NAV2: variants seen among roughly 807,000 people sequenced by gnomAD.
NAV2 encodes the protein neuron navigator 2.
NAV2 carries 54 observed loss-of-function variants against 223.2 expected under a neutral mutation model. The observed-to-expected ratio is 0.24, with a 90% CI of 0.19 to 0.30. The LOEUF (loss-of-function observed/expected upper bound fraction) is 0.30, where lower values mean the gene tolerates loss of function less well. Ranked by LOEUF, NAV2 falls within the 10% of genes least tolerant of loss-of-function variation. The pLI is 1.00. For missense variants in NAV2, 2,806 were observed against 3,147.5 expected (o/e 0.89, Z 2.60); for synonymous variants, 1,279 against 1,239.3 (o/e 1.03, Z -0.67).
chr11:19,506,085 C>T (rs934378009), intron 1 of NAV2: 3 of 152,248 alleles, frequency 2.0e-5, no homozygotes, highest in African/African-American at 7.2e-5. Flanking sequence ...ATGTATGTGT[C>T]CTGCTCCCTC....
At chr11:19,649,889 A>T (rs899299842) in intron 1 of NAV2, among the ~76,000 whole-genome samples, 11 of 152,216 alleles carry the variant, frequency 7.2e-5, no homozygotes, top group African/African-American at 2.7e-4. Context: ...ATAGTGAGAT[A>T]CTTCCACACT....
intron 1 of NAV2, among the ~76,000 whole-genome samples, chr11:19,458,725 A>G (rs1384680613): frequency 3.3e-5 from 5 of 152,244 alleles, no homozygotes; most frequent in Non-Finnish European, 5.9e-5. Context: ...GCTTTTAACC[A>G]GTTCTCTACA....
chr11:19,869,955 G>C (rs983650037), intron 4 of NAV2, among the ~76,000 whole-genome samples: 2 of 152,172 alleles, frequency 1.3e-5, no homozygotes, highest in Admixed American at 1.3e-4. Flanking sequence ...TGGTTTTCCT[G>C]GCTGCGTTTC....
At chr11:19,413,046 G>A (rs1393800388) in intron 1 of NAV2, among the ~76,000 whole-genome samples, 2 of 152,150 alleles carry the variant, frequency 1.3e-5, no homozygotes, top group Non-Finnish European at 2.9e-5. Flanking sequence ...CTCCTCACCA[G>A]CAAGGGAACA....
upstream of NAV2, among the ~76,000 whole-genome samples, chr11:19,349,440 C>T (rs1853173111): frequency 6.6e-6 from 1 of 152,146 alleles, no homozygotes; most frequent in Non-Finnish European, 1.5e-5. Context: ...GGGATGGCTT[C>T]GGCCTTATTC....
chr11:20,082,142 G>A (rs971004184), intron 25 of NAV2, among the ~76,000 whole-genome samples: 7 of 152,138 alleles, frequency 4.6e-5, no homozygotes, highest in African/African-American at 1.4e-4. Flanking sequence ...TACACAAATA[G>A]CTGAAACTCC....
At chr11:19,982,518 A>T (rs2050393998) in intron 10 of NAV2, among the ~76,000 whole-genome samples, 1 of 152,192 alleles carries the variant, frequency 6.6e-6, no homozygotes, top group African/African-American at 2.4e-5. Context: ...AGTTGAGTGA[A>T]AACTTCAGTC....
At chr11:19,575,672 G>A (rs1272569737) in intron 1 of NAV2, among the ~76,000 whole-genome samples, 2 of 152,176 alleles carry the variant, frequency 1.3e-5, no homozygotes, top group African/African-American at 4.8e-5. Flanking sequence ...TTGCACATAA[G>A]CCCTTTAAGG....
chr11:19,639,775 G>A (rs1212900139), intron 1 of NAV2, among the ~76,000 whole-genome samples: 1 of 152,288 alleles, frequency 6.6e-6, no homozygotes, highest in South Asian at 2.1e-4. Flanking sequence ...GCCAGGGCTT[G>A]TGTGGAGCGT....
chr11:19,841,851 A>C (rs533764034), intron 2 of NAV2, among the ~76,000 whole-genome samples: 1 of 152,340 alleles, frequency 6.6e-6, no homozygotes, highest in African/African-American at 2.4e-5. Context: ...CATTTAGAGA[A>C]TACTTACTAC....
intron 11 of NAV2, among the ~76,000 whole-genome samples, chr11:19,999,773 C>T (rs1003493256): frequency 3.3e-5 from 5 of 152,204 alleles, no homozygotes; most frequent in African/African-American, 9.7e-5. Flanking sequence ...ATGTCTTCAT[C>T]GGGCTGCTGT....
intron 7 of NAV2, among the ~76,000 whole-genome samples, chr11:19,935,722 T>A (rs2045787574): frequency 6.6e-6 from 1 of 152,010 alleles, no homozygotes; most frequent in Non-Finnish European, 1.5e-5. Flanking sequence ...TACCAATCTT[T>A]TTAATTGGGA....
At chr11:19,480,640 G>A (rs2042249920) in intron 1 of NAV2, among the ~76,000 whole-genome samples, 1 of 152,328 alleles carries the variant, frequency 6.6e-6, no homozygotes, top group South Asian at 2.1e-4. Context: ...ATGAATGTCA[G>A]TTTTAATCAG....
intron 26 of NAV2, among the ~76,000 whole-genome samples, chr11:20,090,616 T>C (rs1194863977): frequency 6.6e-6 from 1 of 152,004 alleles, no homozygotes; most frequent in Non-Finnish European, 1.5e-5. Context: ...ATACAGTAAA[T>C]AATAATCTAA....
intron 1 of NAV2, among the ~76,000 whole-genome samples, chr11:19,497,231 G>C (rs1247436302): frequency 6.6e-6 from 1 of 152,192 alleles, no homozygotes. Flanking sequence ...CTGCCTCACA[G>C]GTTGTTATGA....
At chr11:19,580,228 T>C (rs1186441082) in intron 1 of NAV2, among the ~76,000 whole-genome samples, 3 of 152,144 alleles carry the variant, frequency 2.0e-5, no homozygotes, top group African/African-American at 7.2e-5. Flanking sequence ...GAAACCCAGA[T>C]GAAGGGCTTC....
chr11:19,791,770 G>A (rs1265855627), intron 1 of NAV2, among the ~76,000 whole-genome samples: 1 of 152,150 alleles, frequency 6.6e-6, no homozygotes, highest in East Asian at 1.9e-4. Flanking sequence ...CAAGGTGTGG[G>A]GAAAGCATAG....
At chr11:19,890,565 T>C (rs946044976) in intron 5 of NAV2, among the ~76,000 whole-genome samples, 7 of 152,148 alleles carry the variant, frequency 4.6e-5, no homozygotes, top group African/African-American at 7.2e-5. Flanking sequence ...TTGGAACAAG[T>C]CCATAATCCT....
chr11:19,517,886 C>A (rs188794380), intron 1 of NAV2, among the ~76,000 whole-genome samples: 1 of 152,328 alleles, frequency 6.6e-6, no homozygotes, highest in East Asian at 1.9e-4. Context: ...CATTGGGGAA[C>A]AACTTTGCAT....
Sources: gnomAD v4.1 joint callset for allele counts (sites outside exome capture counted in the v4.1 genomes callset) on GRCh38, gnomAD v4.1.1 for gene constraint, MANE v1.5 for transcripts, NCBI Gene and HGNC (gene_info 2026-07-23, HGNC 2026-07-21) for gene names.